PROM1: variants seen among roughly 807,000 people sequenced by gnomAD.
PROM1 encodes prominin-1.
A neutral mutation model predicts 116.9 loss-of-function variants in PROM1; 105 were observed. The observed-to-expected ratio is 0.90, with a 90% confidence interval of 0.77 to 1.06. PROM1 has a LOEUF of 1.06. PROM1 is among the 50% of genes least tolerant of loss of function. The pLI is 0.00. For synonymous variants in PROM1, 393 were observed against 387.0 expected (o/e 1.02, Z -0.18); for missense variants, 1,122 against 1,045.2 (o/e 1.07, Z -1.01).
intron 19 of PROM1, among the ~76,000 whole-genome samples, chr4:15,988,537 C>T (rs1282190440): frequency 6.6e-6 from 1 of 152,180 alleles, no homozygotes; most frequent in African/African-American, 2.4e-5. Flanking sequence ...TTTACAAAAA[C>T]TGCTGGTAGG....
chr4:16,024,686 C>T (rs555867779), intron 6 of PROM1, among the ~76,000 whole-genome samples: 13 of 152,042 alleles, frequency 8.6e-5, no homozygotes, highest in East Asian at 1.9e-4. Context: ...TTTGTGTGTC[C>T]GTGAGTATGT....
At chr4:15,993,856 T>C in intron 16 of PROM1, 131 bp downstream of exon 16, 2 of 1,453,470 alleles carry the variant, frequency 1.4e-6, no homozygotes, top group Non-Finnish European at 9.1e-7. Flanking sequence ...CATGTAAATA[T>C]ACCAAACATC....
Position 16,044,891 on chromosome 4 carries a change from T to C in PROM1, c.221-5890A>G, listed in dbSNP as rs1304973338. On this transcript the variant is annotated intron_variant, in intron 2 of 27. Coordinates refer to ENST00000447510, the MANE Select transcript of PROM1 (RefSeq NM_006017.3). ...GACAAGCCCAGAAAAAACACAAATC[T>C]ACATGGTTCAAAAAGTGGTAAGTCT... Among the ~76,000 whole-genome samples, 10 of 152,094 alleles carry C rather than the reference T, an allele frequency of 6.6e-5. 1 individual carries two copies. Among genetic ancestry groups the C allele is most frequent in the Non-Finnish European group, 1.5e-4 (10 of 68,026 alleles).
At chr4:15,977,882 G>A (rs1289703152) in intron 26 of PROM1, among the ~76,000 whole-genome samples, 3 of 152,224 alleles carry the variant, frequency 2.0e-5, no homozygotes, top group Non-Finnish European at 4.4e-5. Flanking sequence ...ACAGGCATGA[G>A]CCACCGCGCT....
intron 20 of PROM1, among the ~76,000 whole-genome samples, chr4:15,986,966 G>T (rs1360371585): frequency 6.6e-6 from 1 of 152,240 alleles, no homozygotes; most frequent in East Asian, 1.9e-4. Flanking sequence ...CAGCCTTGCA[G>T]CTCTGTGTCT....
At chr4:15,988,168 G>T (rs534059829) in intron 19 of PROM1, among the ~76,000 whole-genome samples, 2 of 152,204 alleles carry the variant, frequency 1.3e-5, no homozygotes, top group East Asian at 1.9e-4. Context: ...GAGCCACCGC[G>T]CCTGGCCAAC....
rs1047473920 is a variant in PROM1 at position 15,984,264 on chromosome 4, A to G, written c.2372T>C (p.Leu791Ser). Residue 791 changes from leucine (L) to serine (S), a missense_variant and splice_region_variant, in exon 23 of 28, where the codon TTG becomes TCG. Physicochemically the swap from Leu to Ser is moderately radical, Grantham distance 145 (BLOSUM62 -2). Transcript: ENST00000447510. ...VFLCSYIIDP[L>S]NLFWFGIGKA... ...TTCTTTTGAAAGATGAAATCTTACC[A>G]AGGGGTCGATAATGTAGCTACACAG... is the stretch of plus-strand genomic sequence containing the variant. The G allele has an allele frequency of 8.8e-6, 14 of 1,591,026 alleles. No individual in the cohort carries two copies. The highest frequency in any genetic ancestry group is 1.3e-5 in the African/African-American group (1 of 74,648).
intron 26 of PROM1, among the ~76,000 whole-genome samples, chr4:15,973,938 G>T (rs1365183471): frequency 2.6e-5 from 4 of 152,176 alleles, no homozygotes; most frequent in African/African-American, 4.8e-5. Context: ...ATGAGGCAGG[G>T]TGGTCATCCT....
intron 8 of PROM1, among the ~76,000 whole-genome samples, chr4:16,021,561 GGAAAACAAA>G (rs1729890378): frequency 6.6e-6 from 1 of 152,130 alleles, no homozygotes; most frequent in African/African-American, 2.4e-5. Flanking sequence ...TGAAGCTTTT[GGAAAACAAA>G]AAGATCTTGT....
In PROM1 at chr4:16,038,201, A is replaced by G. The variant is rs144048597; in HGVS notation, c.276+745T>C. Among the ~76,000 whole-genome samples the G allele has an allele frequency of 7.2e-3, 1,102 of 152,278 alleles. 29 individuals carry two copies. The highest frequency in any genetic ancestry group is 0.034 in the East Asian group (177 of 5,180). On this transcript the variant is annotated intron_variant, in intron 3 of 27. Coordinates refer to ENST00000447510, the MANE Select transcript of PROM1 (RefSeq NM_006017.3). Reference sequence around the variant, plus strand: ...TCTCCACCTTCCTTCATTTCTAGCCATGTCCTCACACAGCAGGAGCTTCAT... The same window carrying G: ...TCTCCACCTTCCTTCATTTCTAGCCGTGTCCTCACACAGCAGGAGCTTCAT...
chr4:15,990,262 A>G (rs1046364629), intron 18 of PROM1, among the ~76,000 whole-genome samples: 102 of 152,348 alleles, frequency 6.7e-4, no homozygotes, highest in African/African-American at 2.3e-3. Flanking sequence ...GGGAGAAATA[A>G]CTTGCCTAAG....
intron 6 of PROM1, among the ~76,000 whole-genome samples, chr4:16,024,912 C>A (rs769249320): frequency 2.0e-4 from 31 of 152,094 alleles, no homozygotes; most frequent in Admixed American, 4.6e-4. Flanking sequence ...TTTAAAAAAT[C>A]ATAAGAACCT....
chr4:16,016,695 T>C (rs1728482516), intron 9 of PROM1, among the ~76,000 whole-genome samples: 1 of 152,186 alleles, frequency 6.6e-6, no homozygotes, highest in Non-Finnish European at 1.5e-5. Context: ...GAACATCATA[T>C]GCCTCCCACA....
intron 4 of PROM1, among the ~76,000 whole-genome samples, chr4:16,033,950 T>A (rs1733396243): frequency 6.6e-6 from 1 of 152,106 alleles, no homozygotes; most frequent in Non-Finnish European, 1.5e-5. Flanking sequence ...TTGAAACTCC[T>A]TTTTGAAACA....
At chr4:16,025,697 A>G (rs1197977188) in intron 5 of PROM1, among the ~76,000 whole-genome samples, 1 of 142,568 alleles carries the variant, frequency 7.0e-6, no homozygotes, top group Non-Finnish European at 1.5e-5. Flanking sequence ...GAACATATGC[A>G]TGTGTGTGAA....
At chr4:15,994,563 G>A (rs1721847884) in intron 15 of PROM1, among the ~76,000 whole-genome samples, 1 of 152,138 alleles carries the variant, frequency 6.6e-6, no homozygotes. Context: ...GACAGAGATA[G>A]GGAGGAGACG....
chr4:16,016,148 T>A lies in PROM1; in HGVS notation c.1077+18A>T. On this transcript the variant is annotated intron_variant, in intron 10 of 27. Coordinates refer to ENST00000447510, the MANE Select transcript of PROM1 (RefSeq NM_006017.3). ...AAATGATATAAAATCAGTGATTGTA[T>A]TTTTTCCAAAAGCATACCTGTTGGA... The A allele has an allele frequency of 6.5e-7, 1 of 1,543,748 alleles. No individual in the cohort carries two copies. The highest frequency in any genetic ancestry group is 8.8e-7 in the Non-Finnish European group (1 of 1,139,906).
At chr4:15,987,432 A>G (rs371922646) in intron 20 of PROM1, among the ~76,000 whole-genome samples, 20 of 152,354 alleles carry the variant, frequency 1.3e-4, no homozygotes, top group African/African-American at 4.8e-4. Context: ...CCTACACATC[A>G]AAACATAGAT....
At chr4:16,038,823 G>T in intron 3 of PROM1, 123 bp downstream of exon 3, 1 of 1,002,262 alleles carries the variant, frequency 1.0e-6, no homozygotes, top group East Asian at 3.3e-5. Flanking sequence ...AAAGTTCTTA[G>T]TCAAAAAAGA....
Sources: gnomAD v4.1 joint callset for allele counts (sites outside exome capture counted in the v4.1 genomes callset) on GRCh38, gnomAD v4.1.1 for gene constraint, MANE v1.5 for transcripts, NCBI Gene and HGNC (gene_info 2026-07-23, HGNC 2026-07-21) for gene names.